Variants in MCC observed in about 807,000 individuals in gnomAD.
The protein encoded by MCC is colorectal mutant cancer protein.
A neutral mutation model predicts 116.2 loss-of-function variants in MCC; 90 were observed. The ratio of observed to expected loss-of-function variants is 0.77; its 90% CI spans 0.65 to 0.92. The LOEUF (loss-of-function observed/expected upper bound fraction) is 0.92, where lower values mean the gene tolerates loss of function less well. Ranked by LOEUF, MCC falls within the 40% of genes least tolerant of loss-of-function variation. The pLI is 0.00. For synonymous variants in MCC, 578 were observed against 510.5 expected, an observed-to-expected ratio of 1.13 and a Z score of -1.78; for missense variants, 1,516 against 1,312.2, an observed-to-expected ratio of 1.16 and a Z score of -2.40.
At chr5:113,408,397 T>G (rs1323832265) in intron 1 of MCC, among the ~76,000 whole-genome samples, 1 of 152,134 alleles carries the variant, frequency 6.6e-6, no homozygotes, top group East Asian at 1.9e-4. Context: ...ACGAGATCTT[T>G]TTCTTGGAGA....
At chr5:113,050,130 T>C (rs1352711233) in intron 15 of MCC, among the ~76,000 whole-genome samples, 2 of 152,172 alleles carry the variant, frequency 1.3e-5, no homozygotes, top group African/African-American at 2.4e-5. Flanking sequence ...ACTATCTCCA[T>C]TGACAGATGG....
intron 3 of MCC, among the ~76,000 whole-genome samples, chr5:113,164,662 C>G (rs1391201185): frequency 6.6e-6 from 1 of 152,218 alleles, no homozygotes; most frequent in Non-Finnish European, 1.5e-5. Context: ...AACTGAGGCA[C>G]AGTCAGTTTT....
At chr5:113,101,415 G>C (rs1192665866) in intron 8 of MCC, 2 of 249,110 alleles carry the variant, frequency 8.0e-6, no homozygotes, top group East Asian at 9.1e-5. Flanking sequence ...AAGACTATTA[G>C]TTTATCCTAA....
At chr5:113,277,935 G>A (rs1765889423) in intron 3 of MCC, among the ~76,000 whole-genome samples, 1 of 152,150 alleles carries the variant, frequency 6.6e-6, no homozygotes, top group Non-Finnish European at 1.5e-5. Context: ...TGACCAGCAG[G>A]CATCTCAAAC....
chr5:113,401,369 A>C (rs1051523197), intron 1 of MCC, among the ~76,000 whole-genome samples: 1 of 152,180 alleles, frequency 6.6e-6, no homozygotes, highest in Non-Finnish European at 1.5e-5. Context: ...GATAAAGCAA[A>C]ATTTTTCACT....
chr5:113,427,459 ACT>A (rs1444110671), intron 1 of MCC, among the ~76,000 whole-genome samples: 4 of 152,122 alleles, frequency 2.6e-5, no homozygotes, highest in Non-Finnish European at 5.9e-5. Context: ...AGGAAACAAA[ACT>A]CTGTTTGCCA....
rs571155909 is a variant in MCC, at chr5:113,317,624, C to A, written c.627+22895G>T. ...GAAAGAGCTGTCATGATGTATGACA[C>A]GGATATTCCTAAGCACATTCACAAT... On this transcript the variant is annotated intron_variant, in intron 3 of 18. Coordinates refer to ENST00000408903, the MANE Select transcript of MCC (RefSeq NM_001085377.2). Among the ~76,000 whole-genome samples the A allele has an allele frequency of 2.3e-4, 35 of 152,126 alleles. No individual in the cohort carries two copies. In the South Asian group the frequency reaches 6.4e-3, roughly 28 times the overall value.
chr5:113,146,245 G>A (rs1759509376), intron 4 of MCC, among the ~76,000 whole-genome samples: 1 of 1,836 alleles, frequency 5.4e-4, no homozygotes, highest in South Asian at 0.02. Flanking sequence ...GAAGGTAACT[G>A]TGGTCACAGC....
intron 3 of MCC, among the ~76,000 whole-genome samples, chr5:113,259,511 GA>G (rs58977384): frequency 7.3e-5 from 11 of 151,298 alleles, no homozygotes; most frequent in Admixed American, 3.9e-4. Flanking sequence ...ATTTACTAAA[GA>G]AAAAAAAATT....
At chr5:113,312,950 A>G (rs893404307) in intron 3 of MCC, among the ~76,000 whole-genome samples, 4 of 152,210 alleles carry the variant, frequency 2.6e-5, no homozygotes, top group Non-Finnish European at 4.4e-5. Flanking sequence ...CACAAACACA[A>G]GATTCCTCCT....
chr5:113,049,868 C>A (rs747113133), intron 15 of MCC, among the ~76,000 whole-genome samples: 1 of 152,144 alleles, frequency 6.6e-6, no homozygotes, highest in Non-Finnish European at 1.5e-5. Flanking sequence ...TTCTCAGGGC[C>A]CAAATGAAAT....
At chr5:113,403,074 TTGC>T in intron 1 of MCC, among the ~76,000 whole-genome samples, 2 of 152,238 alleles carry the variant, frequency 1.3e-5, no homozygotes, top group South Asian at 4.2e-4. Context: ...TGTACTTACC[TTGC>T]TGCAGATTGG....
At chr5:113,392,628 G>T (rs924069598) in intron 1 of MCC, among the ~76,000 whole-genome samples, 12 of 152,028 alleles carry the variant, frequency 7.9e-5, no homozygotes, top group African/African-American at 2.7e-4. Flanking sequence ...ATCTGTAACA[G>T]CAAAGAATTG....
At chr5:113,438,676 C>G (rs945960192) in intron 1 of MCC, among the ~76,000 whole-genome samples, 1 of 152,118 alleles carries the variant, frequency 6.6e-6, no homozygotes, top group Non-Finnish European at 1.5e-5. Context: ...CTTAGAATAT[C>G]CCAGACGGGA....
At chr5:113,055,212 C>G (rs546117797) in intron 14 of MCC, among the ~76,000 whole-genome samples, 4 of 152,196 alleles carry the variant, frequency 2.6e-5, no homozygotes, top group Non-Finnish European at 5.9e-5. Flanking sequence ...GCCGCAGCCT[C>G]GTCCCACAGC....
intron 6 of MCC, among the ~76,000 whole-genome samples, chr5:113,108,278 A>G (rs1407124937): frequency 2.2e-5 from 3 of 139,084 alleles, no homozygotes; most frequent in African/African-American, 8.0e-5. Flanking sequence ...GGTTGCAATG[A>G]GCTGAGATTG....
At chr5:113,432,572 T>G (rs1472259165) in intron 1 of MCC, 1 of 152,204 alleles carries the variant, frequency 6.6e-6, no homozygotes, top group Non-Finnish European at 1.5e-5. Context: ...ATTATTCTCA[T>G]TTTATAGATA....
intron 3 of MCC, among the ~76,000 whole-genome samples, chr5:113,290,712 G>C (rs575787231): frequency 3.3e-5 from 5 of 152,202 alleles, no homozygotes; most frequent in Non-Finnish European, 5.9e-5. Flanking sequence ...GAATATGCCA[G>C]AGCTGTCCCT....
At chr5:113,206,758 T>C (rs1001661910) in intron 3 of MCC, among the ~76,000 whole-genome samples, 33 of 152,344 alleles carry the variant, frequency 2.2e-4, no homozygotes, top group African/African-American at 7.7e-4. Flanking sequence ...ACCCTAGTCT[T>C]GAATCATCTT....
Sources: allele counts gnomAD v4.1 joint callset (sites outside exome capture counted in the v4.1 genomes callset), GRCh38; gene constraint gnomAD v4.1.1; transcripts MANE v1.5; gene names NCBI Gene and HGNC (gene_info 2026-07-23, HGNC 2026-07-21).